BCO1: variants seen among roughly 807,000 people sequenced by gnomAD.
The protein encoded by BCO1 is beta,beta-carotene 15,15'-dioxygenase.
BCO1 carries 54 observed loss-of-function variants against 56.3 expected under a neutral mutation model. That is an observed-to-expected ratio of 0.96 (90% CI 0.77 to 1.20). The LOEUF (loss-of-function observed/expected upper bound fraction) is 1.20. Among genes scored for constraint, BCO1 ranks in the 50% most tolerant of loss-of-function variants. The probability of loss-of-function intolerance (pLI) is 0.00; values close to 1 mark genes in which losing one functional copy is unlikely to be tolerated. For synonymous variants in BCO1, 318 were observed against 266.1 expected, an observed-to-expected ratio of 1.20 and a Z score of -1.90; for missense variants, 801 against 690.9, an observed-to-expected ratio of 1.16 and a Z score of -1.79.
chr16:81,259,887 G>T (rs1184306282), intron 3 of BCO1, 82 bp downstream of exon 3: 1 of 1,560,666 alleles, frequency 6.4e-7, no homozygotes, highest in South Asian at 1.1e-5. Context: ...TTGCTCCTCT[G>T]ACAATTCTCT....
chr16:81,267,259 G>C (rs1027335189), intron 5 of BCO1, among the ~76,000 whole-genome samples: 1 of 152,106 alleles, frequency 6.6e-6, no homozygotes, highest in African/African-American at 2.4e-5. Flanking sequence ...CTAAGCCTCA[G>C]TTTCCCATCT....
intron 7 of BCO1, among the ~76,000 whole-genome samples, chr16:81,273,915 C>G (rs1034980901): frequency 6.6e-6 from 1 of 152,200 alleles, no homozygotes; most frequent in Non-Finnish European, 1.5e-5. Flanking sequence ...GTCAGAACAA[C>G]TGGAAGAGAA....
rs181318873 is a variant in BCO1, at chr16:81,244,270, C to A, written c.65-1205C>A. Among the ~76,000 whole-genome samples, 11 of 152,298 alleles carry A rather than the reference C, an allele frequency of 7.2e-5. No individual in the cohort carries two copies. The East Asian group carries it at 1.2e-3, about 16-fold the overall frequency. ...GCAGGGCTGTCCCCTAGAAAGAGAACCTATGCCACACGTGCACTTTTAAAT... is the reference window on the plus strand; with the variant it reads ...GCAGGGCTGTCCCCTAGAAAGAGAAACTATGCCACACGTGCACTTTTAAAT... On this transcript the variant is annotated intron_variant, in intron 1 of 10. Transcript: ENST00000258168.
intron 7 of BCO1, among the ~76,000 whole-genome samples, chr16:81,270,692 C>CTCTCTGTGTG (rs146010684): frequency 2.8e-5 from 4 of 143,788 alleles, no homozygotes; most frequent in African/African-American, 2.5e-5. Context: ...CTCTCTGTGT[C>CTCTCTGTGTG]TGTGTGTGTG....
chr16:81,282,482 T>C (rs115830097), intron 8 of BCO1, among the ~76,000 whole-genome samples: 1 of 152,156 alleles, frequency 6.6e-6, no homozygotes, highest in South Asian at 2.1e-4. Context: ...GCACATAGAC[T>C]TGGGGACTCT....
intron 2 of BCO1, among the ~76,000 whole-genome samples, chr16:81,250,602 A>G (rs1184107908): frequency 2.1e-5 from 2 of 95,136 alleles, no homozygotes; most frequent in Non-Finnish European, 3.9e-5. Flanking sequence ...TTTTTTTGAG[A>G]TGGAGTCTCA....
Position 81,280,953 on chromosome 16 carries a change from C to G in BCO1, c.1198C>G (p.Leu400Val), listed in dbSNP as rs775477981. The G allele has an allele frequency of 5.5e-5, 89 of 1,613,172 alleles. No individual in the cohort carries two copies. The highest frequency in any genetic ancestry group is 7.2e-5 in the Non-Finnish European group (85 of 1,179,282). Reference sequence around the variant, plus strand: ...CCAAGTCTACTGCCAGCCGGAATTTCTTTATGAAGGTAAAATGCATCCTCT... The same window carrying G: ...CCAAGTCTACTGCCAGCCGGAATTTGTTTATGAAGGTAAAATGCATCCTCT... Reference protein sequence around the residue: ...DGQVYCQPEFLYEGLELPRVN... With the variant: ...DGQVYCQPEFVYEGLELPRVN... Residue 400 changes from leucine (L) to valine (V), a missense_variant, in exon 8 of 11, where the codon CTT becomes GTT. Transcript: ENST00000258168.
In BCO1 at chr16:81,259,710, C is replaced by A. The variant is rs370221081; in HGVS notation, c.228C>A (p.Ser76Arg). Residue 76 changes from serine to arginine, a missense_variant, in exon 3 of 11, where the codon AGC becomes AGA. By Grantham distance (110) the Ser-to-Arg change is moderately radical. Transcript: ENST00000258168. ...EVYYRSKYLR[S>R]DTYNTNIEAN... ...ATTACAGGAGCAAATACCTGAGAAG[C>A]GATACCTACAACACCAATATTGAGG... 7 of 1,614,150 alleles carry A rather than the reference C, an allele frequency of 4.3e-6. No individual in the cohort carries two copies. The South Asian group carries it at 7.7e-5, about 18-fold the overall frequency.
chr16:81,259,208 T>TC (rs1194061318), intron 2 of BCO1, among the ~76,000 whole-genome samples: 2 of 152,072 alleles, frequency 1.3e-5, no homozygotes, highest in African/African-American at 4.8e-5. Context: ...AAAATTATAT[T>TC]CCAGGCCGGG....
intron 2 of BCO1, among the ~76,000 whole-genome samples, chr16:81,257,314 T>C (rs973808236): frequency 1.3e-5 from 2 of 152,138 alleles, no homozygotes; most frequent in African/African-American, 4.8e-5. Flanking sequence ...GTCCAGGCTA[T>C]AGGGCAGTGG....
chr16:81,249,541 C>T (rs1905656159), intron 2 of BCO1, among the ~76,000 whole-genome samples: 1 of 152,096 alleles, frequency 6.6e-6, no homozygotes, highest in South Asian at 2.1e-4. Flanking sequence ...CAGGTGTGAG[C>T]CACTGTGCCC....
chr16:81,272,386 G>C (rs1300458915), intron 7 of BCO1, among the ~76,000 whole-genome samples: 1 of 152,092 alleles, frequency 6.6e-6, no homozygotes, highest in Non-Finnish European at 1.5e-5. Context: ...CCAAAGTGCT[G>C]GGATTACAGG....
intron 3 of BCO1, chr16:81,261,791 G>C (rs539208391): frequency 6.3e-5 from 20 of 319,696 alleles, no homozygotes; most frequent in Middle Eastern, 1.2e-3. Context: ...GCCCAGGCTG[G>C]AGTGTAGTGG....
chr16:81,250,578 CTTTTTTT>C (rs530676028), intron 2 of BCO1, among the ~76,000 whole-genome samples: 9 of 105,478 alleles, frequency 8.5e-5, no homozygotes, highest in African/African-American at 3.5e-4. Flanking sequence ...CTCAATAAAG[CTTTTTTT>C]TTTTTTTTTT....
chr16:81,246,380 A>G (rs894688458), intron 2 of BCO1, among the ~76,000 whole-genome samples: 5 of 152,154 alleles, frequency 3.3e-5, no homozygotes, highest in Non-Finnish European at 5.9e-5. Context: ...GGATGTGGAG[A>G]TATTTGTCAG....
intron 2 of BCO1, among the ~76,000 whole-genome samples, chr16:81,259,457 A>T (rs149219639): frequency 6.6e-6 from 1 of 152,140 alleles, no homozygotes; most frequent in East Asian, 1.9e-4. Flanking sequence ...TCGCACCATT[A>T]TATTCCAGCC....
chr16:81,253,658 C>T (rs1344148635), intron 2 of BCO1, among the ~76,000 whole-genome samples: 2 of 152,178 alleles, frequency 1.3e-5, no homozygotes, highest in African/African-American at 4.8e-5. Flanking sequence ...GAATAAATCT[C>T]CCCCTACAGA....
chr16:81,268,805 G>C (rs1037898418), intron 6 of BCO1, among the ~76,000 whole-genome samples: 1 of 152,060 alleles, frequency 6.6e-6, no homozygotes, highest in African/African-American at 2.4e-5. Context: ...TTGAGACAGA[G>C]TGTTGCTCTG....
chr16:81,261,338 T>G (rs1906469282), intron 3 of BCO1, among the ~76,000 whole-genome samples: 1 of 152,232 alleles, frequency 6.6e-6, no homozygotes, highest in South Asian at 2.1e-4. Context: ...GAGTATACCT[T>G]CTGATCAAAT....
Sources: gnomAD v4.1 joint callset for allele counts (sites outside exome capture counted in the v4.1 genomes callset) on GRCh38, gnomAD v4.1.1 for gene constraint, MANE v1.5 for transcripts, NCBI Gene and HGNC (gene_info 2026-07-23, HGNC 2026-07-21) for gene names.